The following FAM3B variants were observed in gnomAD, a reference collection of about 807,000 sequenced individuals.
FAM3B encodes the protein FAM3 metabolism regulating signaling molecule B.
In FAM3B, 29 loss-of-function variants were observed where a neutral mutation model predicts 28.4. The observed-to-expected ratio is 1.02, with a 90% CI of 0.76 to 1.39. FAM3B has a LOEUF of 1.39. Among genes scored for constraint, FAM3B ranks in the 40% most tolerant of loss-of-function variants. The probability of loss-of-function intolerance (pLI) is 0.00; values close to 1 mark genes in which losing one functional copy is unlikely to be tolerated. For missense variants in FAM3B, 266 were observed against 293.9 expected (o/e 0.91, Z 0.69); for synonymous variants, 91 against 103.0 (o/e 0.88, Z 0.71).
intron 7 of FAM3B, among the ~76,000 whole-genome samples, chr21:41,350,652 G>C (rs1004807067): frequency 6.6e-6 from 1 of 152,206 alleles, no homozygotes; most frequent in Non-Finnish European, 1.5e-5. Context: ...CAGGACAACT[G>C]AACCAGCTTC....
intron 5 of FAM3B, among the ~76,000 whole-genome samples, chr21:41,346,733 T>A (rs1226838984): frequency 6.6e-6 from 1 of 152,164 alleles, no homozygotes; most frequent in African/African-American, 2.4e-5. Context: ...AAAAGCTCCT[T>A]ATCTTGACCC....
At chr21:41,317,042 C>G in intron 1 of FAM3B, 144 bp downstream of exon 1, 2 of 743,332 alleles carry the variant, frequency 2.7e-6, no homozygotes, top group South Asian at 1.0e-4. Context: ...TGGTCTTAGA[C>G]CTGGGATCAG....
At chr21:41,345,196 C>T (rs1401264073) in intron 4 of FAM3B, among the ~76,000 whole-genome samples, 1 of 140,664 alleles carries the variant, frequency 7.1e-6, no homozygotes, top group Non-Finnish European at 1.6e-5. Flanking sequence ...GGCGGGTGGG[C>T]CTGGCTGAGG....
intron 2 of FAM3B, among the ~76,000 whole-genome samples, chr21:41,337,244 T>G (rs1309018500): frequency 6.6e-6 from 1 of 152,224 alleles, no homozygotes; most frequent in East Asian, 1.9e-4. Flanking sequence ...GAGAGAGTGC[T>G]TTCTGAATTC....
intron 1 of FAM3B, among the ~76,000 whole-genome samples, chr21:41,305,683 C>A (rs1214705513): frequency 6.6e-6 from 1 of 152,162 alleles, no homozygotes; most frequent in East Asian, 1.9e-4. Flanking sequence ...GTCTAAAATA[C>A]AATGTGCATA....
chr21:41,338,532 G>A (rs765908455), intron 3 of FAM3B, 31 bp downstream of exon 3: 2 of 1,612,522 alleles, frequency 1.2e-6, no homozygotes, highest in African/African-American at 2.7e-5. Context: ...GGAAAATAAA[G>A]CGATCCTACT....
At chr21:41,312,020 A>T (rs2123685529), upstream of FAM3B, among the ~76,000 whole-genome samples, 1 of 152,206 alleles carries the variant, frequency 6.6e-6, no homozygotes, top group East Asian at 1.9e-4. Flanking sequence ...ATCTCATGAG[A>T]CCCATTCACT....
chr21:41,352,796 A>ACAAT (rs2089132843), intron 7 of FAM3B, among the ~76,000 whole-genome samples: 1 of 27,574 alleles, frequency 3.6e-5, no homozygotes, highest in African/African-American at 3.1e-4. Flanking sequence ...CTCCATCTCA[A>ACAAT]AAATAAATAA....
intron 2 of FAM3B, among the ~76,000 whole-genome samples, chr21:41,323,520 C>T (rs917379362): frequency 2.0e-5 from 3 of 152,224 alleles, no homozygotes; most frequent in Non-Finnish European, 4.4e-5. Flanking sequence ...AACACACGGC[C>T]TCAACCATCA....
intron 2 of FAM3B, among the ~76,000 whole-genome samples, chr21:41,333,060 T>C (rs1568916946): frequency 6.6e-6 from 1 of 152,008 alleles, no homozygotes; most frequent in African/African-American, 2.4e-5. Flanking sequence ...AATGTACGCA[T>C]TTATTACCAT....
intron 2 of FAM3B, among the ~76,000 whole-genome samples, chr21:41,328,423 A>G (rs1388542057): frequency 6.6e-5 from 10 of 152,238 alleles, no homozygotes; most frequent in African/African-American, 9.6e-5. Flanking sequence ...GAAACACTGG[A>G]AAAAATAGTC....
chr21:41,311,866 G>A (rs538378730), upstream of FAM3B, among the ~76,000 whole-genome samples: 1 of 152,294 alleles, frequency 6.6e-6, no homozygotes, highest in South Asian at 2.1e-4. Flanking sequence ...AAAAGAAAGA[G>A]GTTTATTGGA....
chr21:41,356,662 G>A (rs1328709165), intron 7 of FAM3B, among the ~76,000 whole-genome samples: 3 of 152,226 alleles, frequency 2.0e-5, no homozygotes, highest in Non-Finnish European at 1.5e-5. Context: ...AAGTTCTAGA[G>A]CTGTATTAAC....
rs2088823798 is a variant in FAM3B, at chr21:41,323,039, A to G, written c.136A>G (p.Ser46Gly). The G allele has an allele frequency of 6.2e-7, 1 of 1,607,004 alleles. No homozygotes were observed. Residue 46 changes from serine to glycine, a missense_variant, in exon 2 of 8, where the codon AGC (serine) becomes GGC (glycine). By Grantham distance (56) the Ser-to-Gly change is moderately conservative. Coordinates refer to ENST00000357985, the MANE Select transcript of FAM3B (RefSeq NM_058186.4). ...PLSSAAYSIR[S>G]IGERPVLKAP... is the part of the protein sequence containing the mutation. The stretch of plus-strand genomic sequence containing the variant: ...GTCCAGTGCTGCCTATAGCATCCGC[A>G]GCATCGGGGAGAGGCCTGTCCTCAA...
At chr21:41,332,227 T>C (rs991195062) in intron 2 of FAM3B, among the ~76,000 whole-genome samples, 1 of 152,236 alleles carries the variant, frequency 6.6e-6, no homozygotes, top group Non-Finnish European at 1.5e-5. Context: ...ATTGTGATTG[T>C]AAGCTTCCTG....
intron 1 of FAM3B, among the ~76,000 whole-genome samples, chr21:41,305,491 G>T (rs781620701): frequency 1.3e-5 from 2 of 151,914 alleles, no homozygotes; most frequent in Non-Finnish European, 2.9e-5. Flanking sequence ...CAAAGGATTT[G>T]TGCTTAAGAA....
chr21:41,320,631 G>A (rs950879706), intron 1 of FAM3B: 2 of 152,258 alleles, frequency 1.3e-5, no homozygotes, highest in Non-Finnish European at 2.9e-5. Flanking sequence ...TCCCAGTGCT[G>A]GCGGCTGGAT....
chr21:41,348,729 G>A lies in FAM3B; in HGVS notation c.618+5G>A. On this transcript the variant is annotated splice_donor_5th_base_variant and intron_variant, in intron 7 of 7. Transcript: ENST00000357985. ...TCCGAAATTCAGAGAGAAAAGGTGAGTGGTTTTAAAATGTCCCTTCCCACC... is the reference window on the plus strand; with the variant it reads ...TCCGAAATTCAGAGAGAAAAGGTGAATGGTTTTAAAATGTCCCTTCCCACC... The A allele has an allele frequency of 6.2e-7, 1 of 1,614,218 alleles. No individual in the cohort carries two copies. Among genetic ancestry groups the A allele is most frequent in the Non-Finnish European group, 8.5e-7 (1 of 1,180,050 alleles).
upstream of FAM3B, among the ~76,000 whole-genome samples, chr21:41,313,662 G>A (rs1167423540): frequency 3.0e-5 from 2 of 67,322 alleles, no homozygotes; most frequent in Non-Finnish European, 5.6e-5. Context: ...TATGCATGTC[G>A]CATTTGATCC....
Sources: allele counts gnomAD v4.1 joint callset (sites outside exome capture counted in the v4.1 genomes callset), GRCh38; gene constraint gnomAD v4.1.1; transcripts MANE v1.5; gene names NCBI Gene and HGNC (gene_info 2026-07-23, HGNC 2026-07-21).